Variants in URB1 observed in about 807,000 individuals in gnomAD.
URB1 encodes nucleolar pre-ribosomal-associated protein 1.
A neutral mutation model predicts 242.3 loss-of-function variants in URB1; 197 were observed. The observed-to-expected ratio is 0.81, with a 90% CI of 0.72 to 0.91. The LOEUF is 0.91. URB1 is among the 40% of genes least tolerant of loss of function. URB1 has a pLI of 0.00. For synonymous variants in URB1, 1,153 were observed against 1,201.8 expected, an observed-to-expected ratio of 0.96 and a Z score of 0.84; for missense variants, 2,721 against 2,860.5, an observed-to-expected ratio of 0.95 and a Z score of 1.11.
At position 32,372,493 on chromosome 21, in the gene URB1, G is replaced by A. The variant is rs1202568581; in HGVS notation, c.1001+14C>T. 1.9e-6 allele frequency: 3 copies of A among 1,550,220 alleles called. No individual in the cohort carries two copies. The highest frequency in any genetic ancestry group is 2.7e-5 in the African/African-American group (2 of 73,034). ...CATACACACCCTGGGGTCCACAAGAGTGTTATACTTTACCTGCCAAAGGTA... is the reference window on the plus strand; with the variant it reads ...CATACACACCCTGGGGTCCACAAGAATGTTATACTTTACCTGCCAAAGGTA... On this transcript the variant is annotated intron_variant, in intron 8 of 38. Coordinates refer to ENST00000382751, the MANE Select transcript of URB1 (RefSeq NM_014825.3).
At chr21:32,361,185 A>AAGAAAGAAAGAAAGAC in intron 12 of URB1, 62 bp from the exon 13 acceptor site, 1 of 848,024 alleles carries the variant, frequency 1.2e-6, no homozygotes, top group Non-Finnish European at 1.8e-6. Flanking sequence ...GAAAGAAAGA[A>AAGAAAGAAAGAAAGAC]AGAAAGAAAG....
rs572453868 is a variant in URB1 at position 32,354,828 on chromosome 21, T to C, written c.2245+31A>G. ...GTCACTGTGGCTTGGTCTTCAGACCTCTGAGCAGCGCAGAACAGAATGGAA... is the reference window on the plus strand; with the variant it reads ...GTCACTGTGGCTTGGTCTTCAGACCCCTGAGCAGCGCAGAACAGAATGGAA... On this transcript the variant is annotated intron_variant, in intron 17 of 38. Coordinates refer to ENST00000382751, the MANE Select transcript of URB1 (RefSeq NM_014825.3). The C allele has an allele frequency of 1.2e-5, 19 of 1,544,338 alleles. No homozygotes were observed. In the African/African-American group the frequency reaches 2.5e-4, roughly 20 times the overall value.
chr21:32,361,483 A>C (rs538992782), intron 12 of URB1, among the ~76,000 whole-genome samples: 4 of 152,240 alleles, frequency 2.6e-5, no homozygotes, highest in Middle Eastern at 3.4e-3. Flanking sequence ...AGCAGGGCCT[A>C]CCCTTGCAGG....
chr21:32,323,294 CTG>C (rs200279395), intron 32 of URB1, among the ~76,000 whole-genome samples: 1,698 of 152,296 alleles, frequency 0.011, 29 homozygotes, highest in African/African-American at 0.038. Flanking sequence ...AGCAACTTGA[CTG>C]TGAACTAACT....
chr21:32,320,547 G>A lies in URB1; in HGVS notation c.5578C>T (p.His1860Tyr). ...RDYSLLTWIL[H>Y]ILESKFLETP... ...GGTACTTACTTGCTTTCAAGGATGT[G>A]TAAAATCCATGTTAAAAGGCTATAG... is the stretch of plus-strand genomic sequence containing the variant. The change falls in exon 35 of 39, where the codon CAC becomes TAC. Residue 1860 changes from histidine to tyrosine, a missense_variant. Physicochemically the swap from His to Tyr is moderately conservative, Grantham distance 83. Coordinates refer to ENST00000382751, the MANE Select transcript of URB1 (RefSeq NM_014825.3). 1.3e-6 allele frequency: 2 copies of A among 1,551,758 alleles called. No homozygotes were observed. Among genetic ancestry groups the A allele is most frequent in the South Asian group, 2.4e-5 (2 of 84,018 alleles).
At chr21:32,378,313 C>T (rs1346785583) in intron 5 of URB1, 132 bp downstream of exon 5, 23 of 764,210 alleles carry the variant, frequency 3.0e-5, no homozygotes, top group Admixed American at 1.1e-4. Flanking sequence ...CACCTCCCTG[C>T]CCCACATCCT....
At chr21:32,325,425 A>G (rs1301854932) in intron 30 of URB1, 36 bp from the exon 31 acceptor site, 3 of 1,523,122 alleles carry the variant, frequency 2.0e-6, no homozygotes, top group Non-Finnish European at 1.8e-6. Context: ...AACACACACA[A>G]TATGATTTTA....
intron 11 of URB1, among the ~76,000 whole-genome samples, chr21:32,362,880 C>T (rs1391521981): frequency 6.6e-6 from 1 of 152,188 alleles, no homozygotes; most frequent in Non-Finnish European, 1.5e-5. Context: ...AGGTCCCCAC[C>T]AGAGACAGAA....
chr21:32,392,182 CT>C (rs2033646468), intron 1 of URB1, among the ~76,000 whole-genome samples: 1 of 152,222 alleles, frequency 6.6e-6, no homozygotes, highest in Non-Finnish European at 1.5e-5. Context: ...AACCATGTTA[CT>C]TTCCAAACGA....
At chr21:32,367,771 T>G (rs1487319439) in intron 9 of URB1, among the ~76,000 whole-genome samples, 4 of 152,234 alleles carry the variant, frequency 2.6e-5, no homozygotes, top group African/African-American at 9.6e-5. Context: ...TTACTTTTTA[T>G]GAGCCCAGAT....
chr21:32,371,096 C>CG (rs2033401714), intron 8 of URB1, among the ~76,000 whole-genome samples: 1 of 152,132 alleles, frequency 6.6e-6, no homozygotes, highest in Non-Finnish European at 1.5e-5. Flanking sequence ...AAGGGCTGTC[C>CG]GGGAAGGCCT....
At chr21:32,327,073 A>C (rs1188039761) in intron 30 of URB1, among the ~76,000 whole-genome samples, 7 of 152,220 alleles carry the variant, frequency 4.6e-5, no homozygotes, top group Non-Finnish European at 5.9e-5. Flanking sequence ...GACCAAAAAA[A>C]ACTATAAACC....
At chr21:32,373,534 C>A in intron 7 of URB1, 113 bp downstream of exon 7, 1 of 1,209,746 alleles carries the variant, frequency 8.3e-7, no homozygotes, top group Non-Finnish European at 1.1e-6. Flanking sequence ...TCAAAAGAAA[C>A]AGATCAAATG....
At chr21:32,343,146 C>T (rs1334223607) in intron 24 of URB1, among the ~76,000 whole-genome samples, 3 of 152,016 alleles carry the variant, frequency 2.0e-5, no homozygotes, top group Non-Finnish European at 4.4e-5. Flanking sequence ...CAGGGAAATT[C>T]ACCAAACTTA....
rs546782568 is a variant in URB1, at chr21:32,347,518, C to T, written c.3306G>A (p.Pro1102=). 153 of 1,551,312 alleles carry T rather than the reference C, an allele frequency of 9.9e-5. No individual in the cohort carries two copies. Among genetic ancestry groups the T allele is most frequent in the Admixed American group, 2.4e-4 (12 of 50,970 alleles). The change falls in exon 22 of 39, where the codon CCG becomes CCA. Residue 1102 remains proline, a synonymous_variant. Transcript: ENST00000382751. Reference sequence around the variant, plus strand: ...GCTCCTGCAGGGCCTCCAGCTGCGGCGGGGTCTTTGGTGGTGATGTGGCCG... The same window carrying T: ...GCTCCTGCAGGGCCTCCAGCTGCGGTGGGGTCTTTGGTGGTGATGTGGCCG... The part of the protein sequence containing the change: ...AGPATSPPKT[P]PQLEALQELH...
chr21:32,328,261 C>CT (rs2032853388), intron 30 of URB1, among the ~76,000 whole-genome samples: 1 of 152,208 alleles, frequency 6.6e-6, no homozygotes, highest in Non-Finnish European at 1.5e-5. Flanking sequence ...CCTCAGCCTC[C>CT]TGAGTAGCTA....
chr21:32,359,739 A>G, intron 14 of URB1, 57 bp downstream of exon 14: 1 of 1,456,608 alleles, frequency 6.9e-7, no homozygotes. Context: ...CAGGCCAAGA[A>G]GCCACCCGGC....
At chr21:32,317,219 G>A (rs1002200725) in intron 37 of URB1, among the ~76,000 whole-genome samples, 154 bp from the exon 38 acceptor site, 8 of 152,172 alleles carry the variant, frequency 5.3e-5, no homozygotes, top group East Asian at 1.9e-4. Context: ...GTGAGTGCTC[G>A]ATGTTTCACT....
At position 32,317,753 on chromosome 21, in the gene URB1, C is replaced by G; in HGVS notation, c.5957G>C (p.Ser1986Thr). The G allele has an allele frequency of 6.4e-7, 1 of 1,551,902 alleles. No individual in the cohort carries two copies. Among genetic ancestry groups the G allele is most frequent in the Non-Finnish European group, 8.7e-7 (1 of 1,147,040 alleles). The change falls in exon 37 of 39, where the codon AGC becomes ACC. Residue 1986 changes from serine (S) to threonine (T), a missense_variant. Transcript: ENST00000382751. ...GAGCTTGAGGTCTCTTTCAATGAGG[C>G]TCCACTTGTGCAAGAGGACAAGGAC... Reference protein sequence around the residue: ...KDVLVLLHKWSLIERDLKLQE... With the variant: ...KDVLVLLHKWTLIERDLKLQE...
Sources: gnomAD v4.1 joint callset for allele counts (sites outside exome capture counted in the v4.1 genomes callset) on GRCh38, gnomAD v4.1.1 for gene constraint, MANE v1.5 for transcripts, NCBI Gene and HGNC (gene_info 2026-07-23, HGNC 2026-07-21) for gene names.